The following DLC1 variants were observed in gnomAD, a reference collection of about 807,000 sequenced individuals.
DLC1 encodes the protein rho GTPase-activating protein 7.
DLC1 carries 54 observed loss-of-function variants against 140.3 expected under a neutral mutation model. The observed-to-expected ratio is 0.38, with a 90% CI of 0.31 to 0.48. The LOEUF (loss-of-function observed/expected upper bound fraction) is 0.48. Ranked by LOEUF, DLC1 falls within the 20% of genes least tolerant of loss-of-function variation. The probability of loss-of-function intolerance (pLI) is 0.96; values close to 1 mark genes in which losing one functional copy is unlikely to be tolerated. For missense variants in DLC1, 2,536 were observed against 1,907.0 expected, an observed-to-expected ratio of 1.33 and a Z score of -6.14; for synonymous variants, 986 against 728.1, an observed-to-expected ratio of 1.35 and a Z score of -5.70.
rs552152504 is a variant in DLC1, at chr8:13,381,241, C to G, written c.1314+12312G>C. On this transcript the variant is annotated intron_variant, in intron 4 of 17. Transcript: ENST00000276297. ...CATGGCATCGTGTAAGGGCCTGTCC[C>G]TAGGGTTGACTAGAGATATAAAGAA... Among the ~76,000 whole-genome samples, 3 of 152,250 alleles carry G rather than the reference C, an allele frequency of 2.0e-5. No individual in the cohort carries two copies. The South Asian group carries it at 6.2e-4, about 32-fold the overall frequency.
chr8:13,432,766 A>G (rs560154114), intron 2 of DLC1, among the ~76,000 whole-genome samples: 15 of 152,256 alleles, frequency 9.9e-5, no homozygotes, highest in African/African-American at 3.1e-4. Context: ...TGGTGAAGAT[A>G]TAAGACAGAG....
chr8:13,201,279 C>T (rs1415899619), intron 5 of DLC1, among the ~76,000 whole-genome samples: 1 of 151,974 alleles, frequency 6.6e-6, no homozygotes, highest in Non-Finnish European at 1.5e-5. Flanking sequence ...ATGAAATTGT[C>T]AAATATATTG....
At chr8:13,116,069 C>A (rs140716502) in intron 5 of DLC1, 238 of 914,884 alleles carry the variant, frequency 2.6e-4, no homozygotes, top group Non-Finnish European at 2.9e-4. Flanking sequence ...TCCACCACCA[C>A]GCTAAAATAG....
At chr8:13,594,373 G>T (rs542831234) in intron 1 of DLC1, among the ~76,000 whole-genome samples, 14 of 152,078 alleles carry the variant, frequency 9.2e-5, no homozygotes, top group East Asian at 7.8e-4. Context: ...TGTAAATGTT[G>T]TTTCTATGGC....
intron 2 of DLC1, among the ~76,000 whole-genome samples, chr8:13,414,808 G>A (rs1287330053): frequency 6.6e-6 from 1 of 151,860 alleles, no homozygotes; most frequent in Non-Finnish European, 1.5e-5. Flanking sequence ...TTTTTTTTGA[G>A]GTTTTTGAGG....
At chr8:13,594,507 G>C (rs6530651) in intron 1 of DLC1, among the ~76,000 whole-genome samples, 48,465 of 151,922 alleles carry the variant, frequency 0.32, 8,562 homozygotes, top group African/African-American at 0.48. Flanking sequence ...CATTCTGAGA[G>C]AATACCACAA....
At chr8:13,562,601 C>T (rs1282528971) in intron 1 of DLC1, among the ~76,000 whole-genome samples, 3 of 152,178 alleles carry the variant, frequency 2.0e-5, no homozygotes, top group Non-Finnish European at 4.4e-5. Context: ...GGAACAGATG[C>T]TCCCATACAT....
intron 5 of DLC1, among the ~76,000 whole-genome samples, chr8:13,201,914 C>T (rs1827401141): frequency 6.8e-6 from 1 of 147,566 alleles, no homozygotes; most frequent in South Asian, 2.2e-4. Context: ...AGTCTAGTAC[C>T]CAAAAGGTTT....
chr8:13,488,062 T>C (rs1346216412), intron 2 of DLC1, among the ~76,000 whole-genome samples: 2 of 152,210 alleles, frequency 1.3e-5, no homozygotes, highest in Non-Finnish European at 2.9e-5. Context: ...TGAAATATGA[T>C]CAGCATTGAA....
chr8:13,529,072 T>C lies in DLC1; in HGVS notation c.-125-28876A>G, dbSNP rs138011688. On this transcript the variant is annotated intron_variant, in intron 1 of 1. Transcript: ENST00000631382. ...CATTTATTACTCAACGAGAAGAAGA[T>C]AGAAACCAAAAAACATACGATGTAT... is the stretch of plus-strand genomic sequence containing the variant. Among the ~76,000 whole-genome samples, 426 of 152,270 alleles carry C rather than the reference T, an allele frequency of 2.8e-3. 2 individuals are homozygous for C. Among genetic ancestry groups the C allele is most frequent in the African/African-American group, 0.01 (418 of 41,556 alleles).
chr8:13,085,838 A>T lies in DLC1; in HGVS notation c.4560T>A (p.Thr1520=), dbSNP rs760815737. Residue 1520 remains threonine, a synonymous_variant, in exon 18 of 18, where the codon ACT becomes ACA. Transcript: ENST00000276297. ...KIRDSFSNQN[T]ETKDTKSR ...ACCTAGATTTGGTGTCTTTGGTTTC[A>T]GTGTTCTGGTTACTGAAGGAATCCC... is the stretch of plus-strand genomic sequence containing the variant. The T allele has an allele frequency of 1.9e-6, 3 of 1,614,156 alleles. No homozygotes were observed. The South Asian group carries it at 3.3e-5, about 18-fold the overall frequency.
intron 2 of DLC1, among the ~76,000 whole-genome samples, chr8:13,450,219 C>T (rs979494512): frequency 4.6e-5 from 7 of 151,534 alleles, no homozygotes; most frequent in African/African-American, 1.7e-4. Flanking sequence ...CTTTGGGGGG[C>T]TGAGGCAGGT....
chr8:13,387,756 G>A (rs1836585766), intron 4 of DLC1, among the ~76,000 whole-genome samples: 1 of 152,014 alleles, frequency 6.6e-6, no homozygotes, highest in South Asian at 2.1e-4. Flanking sequence ...CTAAAGTATA[G>A]CCTAATTTAT....
intron 2 of DLC1, among the ~76,000 whole-genome samples, chr8:13,455,397 C>G (rs1384952025): frequency 6.6e-6 from 1 of 152,134 alleles, no homozygotes; most frequent in Admixed American, 6.5e-5. Flanking sequence ...GCCAAAGATT[C>G]TCCAAAGCCT....
At position 13,100,490 on chromosome 8, in the gene DLC1, G is replaced by C. The variant is rs995104495; in HGVS notation, c.1847C>G (p.Pro616Arg). The C allele has an allele frequency of 4.3e-6, 7 of 1,612,876 alleles. No individual in the cohort carries two copies. The highest frequency in any genetic ancestry group is 4.2e-6 in the Non-Finnish European group (5 of 1,179,962). ...HAPPSEDAAT[P>R]RTNSVISVCS... ...AACGCTGATGACGGAGTTAGTCCGG[G>C]GGGTGGCAGCATCCTCGCTGGGGGG... is the stretch of plus-strand genomic sequence containing the variant. Residue 616 changes from proline (P) to arginine (R), a missense_variant, in exon 9 of 18, where the codon CCC becomes CGC. Pro to Arg is a moderately radical substitution (Grantham distance 103, BLOSUM62 -2). Coordinates refer to ENST00000276297, the MANE Select transcript of DLC1 (RefSeq NM_182643.3).
intron 2 of DLC1, among the ~76,000 whole-genome samples, chr8:13,412,931 CAAAAA>C (rs771025112): frequency 2.1e-5 from 2 of 94,004 alleles, no homozygotes; most frequent in Non-Finnish European, 1.9e-5. Context: ...GACTCCATCT[CAAAAA>C]AAAAAAAAAA....
At position 13,086,353 on chromosome 8, in the gene DLC1, T is replaced by C. The variant is rs1401910398; in HGVS notation, c.4403A>G (p.Tyr1468Cys). Residue 1468 changes from tyrosine to cysteine, a missense_variant, in exon 17 of 18, where the codon TAT (tyrosine) becomes TGT (cysteine). Coordinates refer to ENST00000276297, the MANE Select transcript of DLC1 (RefSeq NM_182643.3). ...TCCTGGCCCACAGGGTTCAATCAAATACCTGGACAAGAGCACATTAACCCT... is the reference window on the plus strand; with the variant it reads ...TCCTGGCCCACAGGGTTCAATCAAACACCTGGACAAGAGCACATTAACCCT... ...GVRVNVLLSR[Y>C]LIEPCGPGKS... The C allele has an allele frequency of 1.2e-6, 2 of 1,614,098 alleles. No individual in the cohort carries two copies. Among genetic ancestry groups the C allele is most frequent in the African/African-American group, 2.7e-5 (2 of 74,936 alleles).
chr8:13,186,205 G>A (rs890432012), intron 5 of DLC1, among the ~76,000 whole-genome samples: 1 of 152,158 alleles, frequency 6.6e-6, no homozygotes, highest in South Asian at 2.1e-4. Context: ...GCCTTGCTAG[G>A]TTGGGGAAGT....
intron 4 of DLC1, among the ~76,000 whole-genome samples, chr8:13,381,677 A>C (rs1836268727): frequency 6.6e-6 from 1 of 152,186 alleles, no homozygotes; most frequent in Non-Finnish European, 1.5e-5. Flanking sequence ...TGTTTTGGAA[A>C]TGAGCCAGTC....
Sources: allele counts gnomAD v4.1 joint callset (sites outside exome capture counted in the v4.1 genomes callset), GRCh38; gene constraint gnomAD v4.1.1; transcripts MANE v1.5; gene names NCBI Gene and HGNC (gene_info 2026-07-23, HGNC 2026-07-21).